The following SIGLEC15 variants were observed in gnomAD, a reference collection of about 807,000 sequenced individuals.
SIGLEC15 encodes sialic acid-binding Ig-like lectin 15.
In SIGLEC15, 31 loss-of-function variants were observed where a neutral mutation model predicts 26.2. The observed-to-expected ratio is 1.18, with a 90% CI of 0.89 to 1.60. The LOEUF (loss-of-function observed/expected upper bound fraction) is 1.60, where lower values mean the gene tolerates loss of function less well. SIGLEC15 is among the 40% of genes most tolerant of loss of function. The pLI, the probability that SIGLEC15 is intolerant of heterozygous loss-of-function variation, is 0.00. For missense variants in SIGLEC15, 501 were observed against 488.4 expected (o/e 1.03, Z -0.24); for synonymous variants, 207 against 221.9 (o/e 0.93, Z 0.60).
At chr18:45,827,552 C>T (rs959916503) in intron 1 of SIGLEC15, among the ~76,000 whole-genome samples, 1 of 152,212 alleles carries the variant, frequency 6.6e-6, no homozygotes, top group Non-Finnish European at 1.5e-5. Context: ...TGAAGCCCAC[C>T]TCTGCTGTTT....
rs2048287839 is a variant in SIGLEC15 at position 45,837,747 on chromosome 18, T to G, written c.347T>G (p.Leu116Arg). ...TALSLHGRFR[L>R]LGNPRRNDLS... ...CTGAGCCTGCACGGCCGCTTCCGGC[T>G]GCTGGGCAACCCGCGCCGCAACGAC... Residue 116 changes from leucine to arginine, a missense_variant, in exon 3 of 6, where the codon CTG (leucine) becomes CGG (arginine). Leu to Arg is a moderately radical substitution (Grantham distance 102). Transcript: ENST00000389474. 1 of 1,514,506 alleles carries G rather than the reference T, an allele frequency of 6.6e-7. No homozygotes were observed. The highest frequency in any genetic ancestry group is 1.4e-5 in the African/African-American group (1 of 69,450). The allele number at this position is 1,514,506 out of a possible 1,614,324, so 93.8% of individuals were successfully genotyped here.
Position 45,838,871 on chromosome 18 carries a change from G to T in SIGLEC15, c.650G>T (p.Gly217Val). 6.3e-7 allele frequency: 1 copy of T among 1,587,680 alleles called. No homozygotes were observed. The highest frequency in any genetic ancestry group is 8.5e-7 in the Non-Finnish European group (1 of 1,171,740). The change falls in exon 4 of 6, where the codon GGT becomes GTT. Residue 217 changes from glycine (G) to valine (V), a missense_variant. By Grantham distance (109) the Gly-to-Val change is moderately radical (BLOSUM62 -3). Transcript: ENST00000389474. ...GCAGCCGTGCGGAGCCCGCGTGAGGGTCACGGCCACCTAGTGACCGCCGAA... is the reference window on the plus strand; with the variant it reads ...GCAGCCGTGCGGAGCCCGCGTGAGGTTCACGGCCACCTAGTGACCGCCGAA... ...SLAAVRSPRE[G>V]HGHLVTAELP...
Position 45,840,233 on chromosome 18 carries a change from C to T in SIGLEC15, c.897C>T (p.Thr299=). 1 of 1,612,616 alleles carries T rather than the reference C, an allele frequency of 6.2e-7. No homozygotes were observed. The highest frequency in any genetic ancestry group is 8.5e-7 in the Non-Finnish European group (1 of 1,179,378). ...CAGAGCATCTGGACACCCCGGACACCCCACCACGGTAAGTGAGCTCCCCGC... is the reference window on the plus strand; with the variant it reads ...CAGAGCATCTGGACACCCCGGACACTCCACCACGGTAAGTGAGCTCCCCGC... ...RRPEHLDTPD[T]PPRSQAQESN... Residue 299 remains threonine (T), a synonymous_variant, in exon 5 of 6, where the codon ACC becomes ACT. Transcript: ENST00000389474.
At chr18:45,837,307 C>T (rs1169905114) in intron 2 of SIGLEC15, among the ~76,000 whole-genome samples, 1 of 152,200 alleles carries the variant, frequency 6.6e-6, no homozygotes, top group East Asian at 1.9e-4. Flanking sequence ...GGAGTGCAGG[C>T]CCTGGGGGTG....
intron 1 of SIGLEC15, among the ~76,000 whole-genome samples, chr18:45,827,162 C>A (rs554160097): frequency 1.3e-4 from 20 of 152,294 alleles, no homozygotes; most frequent in African/African-American, 4.8e-4. Context: ...GTGATCAGCC[C>A]GCCTTGGCCT....
chr18:45,828,865 T>C (rs1157300141), intron 1 of SIGLEC15, among the ~76,000 whole-genome samples: 1 of 151,842 alleles, frequency 6.6e-6, no homozygotes, highest in African/African-American at 2.4e-5. Context: ...GATGCAGGGG[T>C]GCTTATTCGG....
At chr18:45,836,907 T>C (rs1051545699) in intron 1 of SIGLEC15, 122 bp from the exon 2 acceptor site, 4 of 659,682 alleles carry the variant, frequency 6.1e-6, no homozygotes, top group Non-Finnish European at 1.1e-5. Flanking sequence ...ATGCAGGCTG[T>C]AGAGTGAGGC....
At chr18:45,837,205 A>G in intron 2 of SIGLEC15, 117 bp downstream of exon 2, 1 of 1,488,222 alleles carries the variant, frequency 6.7e-7, no homozygotes, top group Non-Finnish European at 9.0e-7. Flanking sequence ...GGGTAAGAAT[A>G]TGGGGTCAAG....
rs1191678841 is a variant in SIGLEC15, at chr18:45,842,092, T to C, written c.906-14T>C. 1.2e-6 allele frequency: 2 copies of C among 1,613,760 alleles called. No individual in the cohort carries two copies. Among genetic ancestry groups the C allele is most frequent in the Non-Finnish European group, 1.7e-6 (2 of 1,179,720 alleles). ...ACCTGTTTGGATGATCATTCAACTT[T>C]CTCCTGTCCACAGGTCCCAGGCCCA... On this transcript the variant is annotated splice_polypyrimidine_tract_variant and intron_variant, in intron 5 of 5. Transcript: ENST00000389474.
intron 1 of SIGLEC15, among the ~76,000 whole-genome samples, chr18:45,836,078 T>C (rs1343095292): frequency 6.6e-6 from 1 of 152,184 alleles, no homozygotes; most frequent in Non-Finnish European, 1.5e-5. Context: ...CATAGATGGA[T>C]GGTCCCCATG....
In SIGLEC15 at chr18:45,843,139, G is replaced by A. The variant is rs1204913106; in HGVS notation, c.*952G>A. On this transcript the variant is annotated 3_prime_UTR_variant, in exon 6 of 6. Transcript: ENST00000389474. ...GGAGCTGAAGCCGGGAGACCTGAGG[G>A]GAGGTCTGGCCGGAGAGTCCGTGCG... The A allele has an allele frequency of 2.6e-5, 4 of 152,270 alleles. No individual in the cohort carries two copies. Among genetic ancestry groups the A allele is most frequent in the African/African-American group, 9.6e-5 (4 of 41,454 alleles). The allele number at this position is 152,270 out of a possible 1,614,324, so 9.4% of individuals were successfully genotyped here.
intron 1 of SIGLEC15, 80 bp from the exon 2 acceptor site, chr18:45,836,949 C>A: frequency 1.3e-6 from 1 of 795,846 alleles, no homozygotes; most frequent in Non-Finnish European, 2.3e-6. Context: ...CTCATGCTGG[C>A]AGTGTGACTT....
At position 45,842,191 on chromosome 18, in the gene SIGLEC15, G is replaced by A. The variant is rs2048330345; in HGVS notation, c.*4G>A. The stretch of plus-strand genomic sequence containing the variant: ...AGCCACCATGTGCTCACCGTGAGGA[G>A]TCCCTCAGCCACCAACATCCATTTC... On this transcript the variant is annotated 3_prime_UTR_variant, in exon 6 of 6. Coordinates refer to ENST00000389474, the MANE Select transcript of SIGLEC15 (RefSeq NM_213602.3). The A allele has an allele frequency of 6.2e-7, 1 of 1,614,124 alleles. No individual in the cohort carries two copies. Among genetic ancestry groups the A allele is most frequent in the South Asian group, 1.1e-5 (1 of 91,080 alleles).
rs761070593 is a variant in SIGLEC15 at position 45,837,647 on chromosome 18, G to A, written c.247G>A (p.Ala83Thr). The A allele has an allele frequency of 1.3e-6, 2 of 1,506,442 alleles. No individual in the cohort carries two copies. The highest frequency in any genetic ancestry group is 2.5e-5 in the South Asian group (2 of 80,972). The allele number at this position is 1,506,442 out of a possible 1,614,324, so 93.3% of individuals were successfully genotyped here. ...YDGPLTAIWRAGEPYAGPQVF... is the reference protein window; with the variant it reads ...YDGPLTAIWRTGEPYAGPQVF... ...CGGGCCGCTGACGGCCATCTGGCGC[G>A]CGGGCGAGCCCTATGCGGGCCCGCA... is the stretch of plus-strand genomic sequence containing the variant. The change falls in exon 3 of 6, where the codon GCG becomes ACG. Residue 83 changes from alanine to threonine, a missense_variant. Ala to Thr is a moderately conservative substitution (Grantham distance 58). Coordinates refer to ENST00000389474, the MANE Select transcript of SIGLEC15 (RefSeq NM_213602.3).
chr18:45,828,413 A>ATCTGCTT (rs2048203911), intron 1 of SIGLEC15, among the ~76,000 whole-genome samples: 2 of 151,824 alleles, frequency 1.3e-5, no homozygotes, highest in African/African-American at 2.4e-5. Flanking sequence ...CTCCCCCCAT[A>ATCTGCTT]TCTGCTTTTA....
intron 5 of SIGLEC15, 105 bp from the exon 6 acceptor site, chr18:45,842,001 C>A: frequency 9.5e-7 from 1 of 1,054,006 alleles, no homozygotes; most frequent in Non-Finnish European, 1.5e-6. Flanking sequence ...AGCCGCACTG[C>A]TCCCCAGAAT....
intron 1 of SIGLEC15, among the ~76,000 whole-genome samples, chr18:45,834,988 C>A (rs2048265151): frequency 6.6e-6 from 1 of 151,920 alleles, no homozygotes; most frequent in Admixed American, 6.6e-5. Context: ...GAGCAAGGTT[C>A]TTTGATGATT....
At chr18:45,836,204 T>G (rs1343976372) in intron 1 of SIGLEC15, among the ~76,000 whole-genome samples, 1 of 152,124 alleles carries the variant, frequency 6.6e-6, no homozygotes. Flanking sequence ...AAAAGTCATA[T>G]TTCTCCCATC....
intron 3 of SIGLEC15, 49 bp downstream of exon 3, chr18:45,837,945 C>T (rs546334813): frequency 3.5e-4 from 501 of 1,428,332 alleles, no homozygotes; most frequent in Middle Eastern, 2.8e-3. Context: ...CGCCCTCCCG[C>T]CTGCCCCGCC....
Sources: allele counts gnomAD v4.1 joint callset (sites outside exome capture counted in the v4.1 genomes callset), GRCh38; gene constraint gnomAD v4.1.1; transcripts MANE v1.5; gene names NCBI Gene and HGNC (gene_info 2026-07-23, HGNC 2026-07-21).